IPO11: variants seen among roughly 807,000 people sequenced by gnomAD.
IPO11 encodes importin 11, also known as importin-11.
Under a neutral mutation model 143.2 loss-of-function variants are expected in IPO11, and 66 were observed. The observed-to-expected ratio is 0.46, with a 90% CI of 0.38 to 0.57. The LOEUF (loss-of-function observed/expected upper bound fraction) is 0.57. Ranked by LOEUF, IPO11 falls within the 20% of genes least tolerant of loss-of-function variation. The pLI is 0.00. For synonymous variants in IPO11, 385 were observed against 377.8 expected (o/e 1.02, Z -0.22); for missense variants, 1,026 against 1,141.0 (o/e 0.90, Z 1.45).
intron 27 of IPO11, chr5:62,580,639 AT>A: frequency 1.3e-6 from 2 of 1,551,502 alleles, no homozygotes; most frequent in Non-Finnish European, 1.7e-6. Context: ...TTATATTAAC[AT>A]TACAAATTGT....
intron 5 of IPO11, among the ~76,000 whole-genome samples, chr5:62,463,031 A>G (rs766945684): frequency 2.0e-5 from 3 of 152,008 alleles, no homozygotes; most frequent in Non-Finnish European, 4.4e-5. Flanking sequence ...ATATATGTGT[A>G]TATATAAGAA....
intron 4 of IPO11, 69 bp downstream of exon 4, chr5:62,450,068 G>A: frequency 2.0e-6 from 2 of 979,152 alleles, no homozygotes; most frequent in Non-Finnish European, 1.5e-6. Flanking sequence ...TTTATATTCT[G>A]GCATTAAAAT....
At chr5:62,472,611 T>TCTGCCTCCCAAGGTCAAGCGATTCTC (rs1745820217) in intron 7 of IPO11, among the ~76,000 whole-genome samples, 3 of 148,414 alleles carry the variant, frequency 2.0e-5, no homozygotes, top group Admixed American at 1.4e-4. Flanking sequence ...CACTGCAACC[T>TCTGCCTCCCAAGGTCAAGCGATTCTC]CTGCCTCCCA....
chr5:62,581,064 C>T, intron 27 of IPO11: 1 of 1,549,654 alleles, frequency 6.5e-7, no homozygotes, highest in South Asian at 1.2e-5. Context: ...GTGTTTTAAT[C>T]ATTTTTTTGA....
At chr5:62,511,743 G>A (rs1741753920) in intron 19 of IPO11, among the ~76,000 whole-genome samples, 1 of 151,772 alleles carries the variant, frequency 6.6e-6, no homozygotes, top group Admixed American at 6.6e-5. Flanking sequence ...CATCCCCAAG[G>A]ATATTCTTTT....
At chr5:62,500,298 C>A (rs1434889394) in intron 16 of IPO11, among the ~76,000 whole-genome samples, 2 of 151,980 alleles carry the variant, frequency 1.3e-5, no homozygotes, top group Admixed American at 1.3e-4. Flanking sequence ...GAAACAACAA[C>A]AAAAAATGCC....
At chr5:62,608,266 C>T (rs1745801694) in intron 29 of IPO11, among the ~76,000 whole-genome samples, 1 of 152,300 alleles carries the variant, frequency 6.6e-6, no homozygotes, top group East Asian at 1.9e-4. Flanking sequence ...ACTTTGTCCT[C>T]TTAAATCCTA....
chr5:62,612,896 T>G (rs1745978556), intron 29 of IPO11, among the ~76,000 whole-genome samples: 1 of 152,248 alleles, frequency 6.6e-6, no homozygotes, highest in South Asian at 2.1e-4. Flanking sequence ...CTTTATGTAC[T>G]TCTAAAAGTT....
rs1251058721 is a variant in IPO11, at chr5:62,467,414, T to C, written c.649+151T>C. The C allele has an allele frequency of 6.4e-6, 5 of 778,936 alleles. No individual in the cohort carries two copies. In the African/African-American group the frequency reaches 8.8e-5, roughly 14 times the overall value. 48.3% of individuals were successfully genotyped at this position (778,936 alleles called of 1,614,324 possible). On this transcript the variant is annotated intron_variant, in intron 6 of 29. Transcript: ENST00000325324. Reference sequence around the variant, plus strand: ...AAAGATAAGGGCTTATTTATAGTTTTGTGGCAGTAGCTCTTCCTCTACCCC... The same window carrying C: ...AAAGATAAGGGCTTATTTATAGTTTCGTGGCAGTAGCTCTTCCTCTACCCC...
At chr5:62,514,419 G>A (rs1741923724) in intron 19 of IPO11, among the ~76,000 whole-genome samples, 3 of 151,862 alleles carry the variant, frequency 2.0e-5, no homozygotes, top group Non-Finnish European at 4.4e-5. Flanking sequence ...GCGAAACCCC[G>A]TCCCCACCAA....
chr5:62,616,193 G>A (rs73110010), intron 29 of IPO11, among the ~76,000 whole-genome samples: 2,561 of 152,188 alleles, frequency 0.017, 67 homozygotes, highest in African/African-American at 0.059. Flanking sequence ...CTATCTAACG[G>A]CATTATTATT....
intron 3 of IPO11, among the ~76,000 whole-genome samples, chr5:62,447,906 G>GCT (rs1744776512): frequency 6.6e-6 from 1 of 152,030 alleles, no homozygotes; most frequent in South Asian, 2.1e-4. Flanking sequence ...GTAGAGACAG[G>GCT]GTTTTGCCAT....
intron 19 of IPO11, among the ~76,000 whole-genome samples, chr5:62,511,246 T>G (rs1012769536): frequency 6.6e-6 from 1 of 152,204 alleles, no homozygotes; most frequent in African/African-American, 2.4e-5. Context: ...AAACTAAAAC[T>G]ACCTCATTTT....
At position 62,580,307 on chromosome 5, in the gene IPO11, A is replaced by G. The variant is rs960258857; in HGVS notation, c.2583-11270A>G. 4 of 1,538,208 alleles carry G rather than the reference A, an allele frequency of 2.6e-6. No homozygotes were observed. The Admixed American group carries it at 5.9e-5, about 23-fold the overall frequency. The stretch of plus-strand genomic sequence containing the variant: ...ATCTTAAGTCATAATGATTTAGAGA[A>G]TTTAAATTCTGACACATTCAGTTTG... On this transcript the variant is annotated intron_variant, in intron 27 of 29. Coordinates refer to ENST00000325324, the MANE Select transcript of IPO11 (RefSeq NM_016338.5).
intron 27 of IPO11, chr5:62,581,133 T>TA: frequency 1.3e-6 from 2 of 1,550,168 alleles, no homozygotes; most frequent in Non-Finnish European, 1.7e-6. Flanking sequence ...CAAGGGAAAA[T>TA]AGACTTGAAT....
At position 62,467,213 on chromosome 5, in the gene IPO11, A is replaced by G. The variant is rs370052124; in HGVS notation, c.599A>G (p.Asn200Ser). The G allele has an allele frequency of 3.0e-5, 49 of 1,613,932 alleles. No homozygotes were observed. The African/African-American group carries it at 3.1e-4, about 10-fold the overall frequency. The change falls in exon 6 of 30, where the codon AAT becomes AGT. Residue 200 changes from asparagine to serine, a missense_variant. Asn to Ser is a conservative substitution (Grantham distance 46). Around this residue, in one of 5 missense-constraint regions of IPO11, gnomAD observed 429 missense variants for 456.3 expected, o/e 0.94. Coordinates refer to ENST00000325324, the MANE Select transcript of IPO11 (RefSeq NM_016338.5). ...DTFLQEVSSG[N>S]EAAILSSLER... is the part of the protein sequence containing the mutation. ...TTCCTGCAAGAAGTTTCTTCTGGCA[A>G]TGAAGCTGCAATTTTGAGTTCACTA...
chr5:62,583,605 A>T (rs1228720045), intron 27 of IPO11, among the ~76,000 whole-genome samples: 4 of 152,064 alleles, frequency 2.6e-5, no homozygotes, highest in Non-Finnish European at 2.9e-5. Context: ...CTTTTAAAAA[A>T]TTTTTCTTTT....
rs147158494 is a variant in IPO11 at position 62,618,751 on chromosome 5, G to A, written c.2764-8403G>A. Reference sequence around the variant, plus strand: ...CTGATAGAAATAGATTTATAACCACGGAACAAAAAATTAGCCGGGCACAGT... The same window carrying A: ...CTGATAGAAATAGATTTATAACCACAGAACAAAAAATTAGCCGGGCACAGT... On this transcript the variant is annotated intron_variant, in intron 29 of 29. Transcript: ENST00000325324. Among the ~76,000 whole-genome samples the A allele has an allele frequency of 1.0e-3, 158 of 152,108 alleles. 3 individuals are homozygous for A. The East Asian group carries it at 0.028, about 27-fold the overall frequency.
chr5:62,604,955 C>T (rs933735576), intron 29 of IPO11, among the ~76,000 whole-genome samples: 2 of 152,162 alleles, frequency 1.3e-5, no homozygotes, highest in Non-Finnish European at 2.9e-5. Flanking sequence ...GTAATTACGT[C>T]AATCTTGAAC....
Sources: gnomAD v4.1 joint callset for allele counts (sites outside exome capture counted in the v4.1 genomes callset) on GRCh38, gnomAD v4.1.1 for gene constraint, gnomAD v4.1.1 regional missense constraint, MANE v1.5 for transcripts, NCBI Gene and HGNC (gene_info 2026-07-23, HGNC 2026-07-21) for gene names.